SEMA5A: variants seen among roughly 807,000 people sequenced by gnomAD.
The protein encoded by SEMA5A is semaphorin-5A.
SEMA5A carries 55 observed loss-of-function variants against 135.5 expected under a neutral mutation model. The observed-to-expected ratio is 0.41, with a 90% CI of 0.33 to 0.51. The LOEUF is 0.51. Among genes scored for constraint, SEMA5A ranks in the 20% least tolerant of loss-of-function variants. The pLI is 0.37. For missense variants in SEMA5A, 1,290 were observed against 1,419.9 expected, an observed-to-expected ratio of 0.91 and a Z score of 1.47; for synonymous variants, 580 against 546.5, an observed-to-expected ratio of 1.06 and a Z score of -0.85.
chr5:9,355,541 G>C (rs1434988557), intron 3 of SEMA5A, among the ~76,000 whole-genome samples: 1 of 152,200 alleles, frequency 6.6e-6, no homozygotes, highest in Non-Finnish European at 1.5e-5. Context: ...AGACAGGAGA[G>C]ATGGAGAAAA....
intron 2 of SEMA5A, among the ~76,000 whole-genome samples, chr5:9,399,744 C>T (rs139996234): frequency 5.9e-4 from 89 of 152,114 alleles, no homozygotes; most frequent in African/African-American, 2.0e-3. Context: ...TGGCTGATGA[C>T]GGAAAGGGGC....
chr5:9,543,189 T>C (rs571699956), intron 1 of SEMA5A, among the ~76,000 whole-genome samples: 3 of 152,332 alleles, frequency 2.0e-5, no homozygotes, highest in African/African-American at 7.2e-5. Flanking sequence ...GTTGTAACAT[T>C]TGTCCTTCAG....
At chr5:9,416,109 G>A (rs1757275122) in intron 2 of SEMA5A, among the ~76,000 whole-genome samples, 1 of 152,110 alleles carries the variant, frequency 6.6e-6, no homozygotes, top group Admixed American at 6.5e-5. Context: ...AGAGATATTG[G>A]TAAAAAATTA....
chr5:9,244,796 T>G (rs115105577), intron 5 of SEMA5A, among the ~76,000 whole-genome samples: 1 of 152,292 alleles, frequency 6.6e-6, no homozygotes, highest in Admixed American at 6.5e-5. Context: ...TGGCAGCCCT[T>G]GAGCTGGTTG....
chr5:9,069,665 G>A (rs116369349), intron 16 of SEMA5A, among the ~76,000 whole-genome samples: 329 of 152,206 alleles, frequency 2.2e-3, no homozygotes, highest in African/African-American at 7.7e-3. Flanking sequence ...TATGTAAGGC[G>A]ATCATCGCTG....
intron 20 of SEMA5A, 47 bp from the exon 21 acceptor site, chr5:9,050,504 G>C (rs899610469): frequency 1.3e-6 from 2 of 1,507,788 alleles, no homozygotes; most frequent in Non-Finnish European, 1.8e-6. Flanking sequence ...GTGTTCAGAA[G>C]ACAGTCCACA....
intron 8 of SEMA5A, among the ~76,000 whole-genome samples, chr5:9,222,476 G>C (rs1292019578): frequency 6.6e-6 from 1 of 152,166 alleles, no homozygotes; most frequent in Non-Finnish European, 1.5e-5. Context: ...GCCAGGGAAG[G>C]AGTGTGGGGG....
At chr5:9,289,655 A>G (rs1750978846) in intron 5 of SEMA5A, among the ~76,000 whole-genome samples, 1 of 151,838 alleles carries the variant, frequency 6.6e-6, no homozygotes, top group Non-Finnish European at 1.5e-5. Context: ...ACAGAGCAAG[A>G]CTGTCTCAAA....
At chr5:9,279,901 G>T (rs887231090) in intron 5 of SEMA5A, among the ~76,000 whole-genome samples, 1 of 152,152 alleles carries the variant, frequency 6.6e-6, no homozygotes, top group Non-Finnish European at 1.5e-5. Flanking sequence ...AAATTACCCA[G>T]CCTCAGTCTC....
intron 2 of SEMA5A, among the ~76,000 whole-genome samples, chr5:9,419,427 G>T (rs1757388543): frequency 6.6e-6 from 1 of 152,160 alleles, no homozygotes. Context: ...GAAGGGGAAA[G>T]ATAGAGGAAG....
intron 21 of SEMA5A, among the ~76,000 whole-genome samples, chr5:9,046,783 G>A (rs1018243915): frequency 5.9e-5 from 9 of 152,138 alleles, no homozygotes; most frequent in African/African-American, 1.7e-4. Context: ...CTGCCCCTTC[G>A]GGTGCATGGA....
chr5:9,535,847 A>G (rs1436516944), intron 1 of SEMA5A, among the ~76,000 whole-genome samples: 1 of 152,202 alleles, frequency 6.6e-6, no homozygotes, highest in African/African-American at 2.4e-5. Flanking sequence ...CCACGGGCAG[A>G]TGCTGGATCT....
intron 5 of SEMA5A, among the ~76,000 whole-genome samples, chr5:9,253,423 A>G (rs1035441333): frequency 2.6e-5 from 4 of 152,036 alleles, no homozygotes; most frequent in African/African-American, 9.7e-5. Context: ...CCACATACAC[A>G]TACATTCAAA....
chr5:9,167,252 A>G (rs956083123), intron 11 of SEMA5A, among the ~76,000 whole-genome samples: 8 of 152,130 alleles, frequency 5.3e-5, no homozygotes, highest in Non-Finnish European at 8.8e-5. Flanking sequence ...ATCCATTTCT[A>G]TGATTTCAAA....
intron 5 of SEMA5A, among the ~76,000 whole-genome samples, chr5:9,287,728 A>G (rs1008230843): frequency 6.6e-6 from 1 of 152,170 alleles, no homozygotes; most frequent in East Asian, 1.9e-4. Flanking sequence ...CCGGCTTTGT[A>G]CCATCATGGC....
At chr5:9,262,885 T>G in intron 5 of SEMA5A, among the ~76,000 whole-genome samples, 1 of 106,280 alleles carries the variant, frequency 9.4e-6, no homozygotes, top group African/African-American at 3.6e-5. Flanking sequence ...ACCCTAAAAC[T>G]TAGATTATAA....
At chr5:9,210,200 T>A (rs1379658257) in intron 8 of SEMA5A, among the ~76,000 whole-genome samples, 1 of 152,180 alleles carries the variant, frequency 6.6e-6, no homozygotes, top group African/African-American at 2.4e-5. Flanking sequence ...CAAATTAAAA[T>A]CTAAAGGTAG....
intron 15 of SEMA5A, among the ~76,000 whole-genome samples, chr5:9,109,846 T>C (rs945052390): frequency 6.6e-6 from 1 of 152,192 alleles, no homozygotes; most frequent in Non-Finnish European, 1.5e-5. Context: ...TAAATGCTTT[T>C]CTGGAACTGA....
chr5:9,215,591 G>GT lies in SEMA5A; in HGVS notation c.646+9082_646+9083insA, dbSNP rs75135910. Among the ~76,000 whole-genome samples, 61 of 152,280 alleles carry GT rather than the reference G, an allele frequency of 4.0e-4. No individual in the cohort carries two copies. In the East Asian group the frequency reaches 0.01, roughly 25 times the overall value. ...GCCTGGGGCTACTAGAGCTAGAGGAGGTAACCATGGTTTCTCCCCTCAAGG... is the reference window on the plus strand; with the variant it reads ...GCCTGGGGCTACTAGAGCTAGAGGAGTGTAACCATGGTTTCTCCCCTCAAGG... On this transcript the variant is annotated intron_variant, in intron 8 of 22. Transcript: ENST00000382496.
Sources: allele counts gnomAD v4.1 joint callset (sites outside exome capture counted in the v4.1 genomes callset), GRCh38; gene constraint gnomAD v4.1.1; transcripts MANE v1.5; gene names NCBI Gene and HGNC (gene_info 2026-07-23, HGNC 2026-07-21).